RBM20: variants seen among roughly 807,000 people sequenced by gnomAD.
The protein encoded by RBM20 is RNA binding motif protein 20.
A neutral mutation model predicts 110.1 loss-of-function variants in RBM20; 51 were observed. That is an observed-to-expected ratio of 0.46 (90% CI 0.37 to 0.59). The LOEUF is 0.59. Among genes scored for constraint, RBM20 ranks in the 20% least tolerant of loss-of-function variants. The pLI is 0.00. For missense variants in RBM20, 1,512 were observed against 1,574.9 expected (o/e 0.96, Z 0.68); for synonymous variants, 589 against 618.2 (o/e 0.95, Z 0.70).
In RBM20 at chr10:110,772,406, C is replaced by T. The variant is rs146694072; in HGVS notation, c.192-8395C>T. The stretch of plus-strand genomic sequence containing the variant: ...CTCTGAACGAAGCCATATACAGTCG[C>T]GGGTCGCATAATGATGTTCTGGTCA... On this transcript the variant is annotated intron_variant, in intron 1 of 13. Coordinates refer to ENST00000369519, the MANE Select transcript of RBM20 (RefSeq NM_001134363.3). Among the ~76,000 whole-genome samples, 524 of 152,300 alleles carry T rather than the reference C, an allele frequency of 3.4e-3. 2 individuals carry two copies. Among genetic ancestry groups the T allele is most frequent in the African/African-American group, 0.011 (474 of 41,558 alleles).
intron 1 of RBM20, among the ~76,000 whole-genome samples, chr10:110,706,736 C>A (rs1207169669): frequency 1.3e-5 from 2 of 152,170 alleles, no homozygotes; most frequent in Non-Finnish European, 2.9e-5. Context: ...GGCTCTGCAG[C>A]TGTTTCTCCT....
At chr10:110,782,250 A>G (rs1361892186) in intron 2 of RBM20, among the ~76,000 whole-genome samples, 1 of 152,188 alleles carries the variant, frequency 6.6e-6, no homozygotes, top group Non-Finnish European at 1.5e-5. Flanking sequence ...CTGCCCCTTG[A>G]GTACCCATAT....
At chr10:110,734,544 G>A (rs1460743204) in intron 1 of RBM20, among the ~76,000 whole-genome samples, 1 of 151,210 alleles carries the variant, frequency 6.6e-6, no homozygotes, top group African/African-American at 2.4e-5. Context: ...AATCCTGTGG[G>A]TGAACTCATT....
At chr10:110,733,518 G>T (rs1356318975) in intron 1 of RBM20, among the ~76,000 whole-genome samples, 4 of 152,258 alleles carry the variant, frequency 2.6e-5, no homozygotes, top group African/African-American at 9.6e-5. Context: ...GTGATTTGTG[G>T]TTACTATGAA....
chr10:110,671,652 T>C (rs1363445825), intron 1 of RBM20, among the ~76,000 whole-genome samples: 1 of 152,166 alleles, frequency 6.6e-6, no homozygotes, highest in East Asian at 1.9e-4. Flanking sequence ...TATTATGCAT[T>C]GTGCGCTCGT....
chr10:110,797,741 CAT>C (rs1844570598), intron 6 of RBM20, 93 bp downstream of exon 6: 46 of 1,330,008 alleles, frequency 3.5e-5, no homozygotes, highest in Non-Finnish European at 4.8e-5. Context: ...CCATTCTTAA[CAT>C]AAAGAGGCGA....
intron 7 of RBM20, among the ~76,000 whole-genome samples, chr10:110,807,941 G>A (rs1339499174): frequency 1.3e-5 from 2 of 152,228 alleles, no homozygotes; most frequent in Non-Finnish European, 2.9e-5. Flanking sequence ...GTGGCTTCCC[G>A]GCGATGGCAG....
At chr10:110,671,156 A>G (rs150814435) in intron 1 of RBM20, among the ~76,000 whole-genome samples, 6 of 152,304 alleles carry the variant, frequency 3.9e-5, no homozygotes, top group Non-Finnish European at 8.8e-5. Flanking sequence ...TCGCTGGAGA[A>G]CCACGTGGGC....
At chr10:110,647,712 A>G (rs1016830367) in intron 1 of RBM20, among the ~76,000 whole-genome samples, 1 of 152,224 alleles carries the variant, frequency 6.6e-6, no homozygotes, top group African/African-American at 2.4e-5. Context: ...CTCCTCCAAC[A>G]TTTACAATGT....
At chr10:110,744,461 G>A (rs370299098) in intron 1 of RBM20, among the ~76,000 whole-genome samples, 10 of 152,168 alleles carry the variant, frequency 6.6e-5, no homozygotes, top group African/African-American at 2.4e-4. Flanking sequence ...GAACTTGGAG[G>A]AAAGTTAATA....
intron 7 of RBM20, among the ~76,000 whole-genome samples, chr10:110,802,656 G>A (rs1251325769): frequency 6.6e-6 from 1 of 152,182 alleles, no homozygotes; most frequent in Non-Finnish European, 1.5e-5. Flanking sequence ...GTTTGGGGTG[G>A]TGCAAAAAAC....
At chr10:110,771,168 T>C (rs1452383395) in intron 1 of RBM20, among the ~76,000 whole-genome samples, 1 of 152,006 alleles carries the variant, frequency 6.6e-6, no homozygotes, top group East Asian at 1.9e-4. Context: ...TTTTTGTGGG[T>C]TTTTTTGAGA....
At chr10:110,816,155 G>A (rs1385867739) in intron 9 of RBM20, among the ~76,000 whole-genome samples, 1 of 152,076 alleles carries the variant, frequency 6.6e-6, no homozygotes, top group Non-Finnish European at 1.5e-5. Flanking sequence ...CTGCCGAGGA[G>A]CCACAAGTCT....
At chr10:110,830,182 C>T (rs531197529) in intron 12 of RBM20, among the ~76,000 whole-genome samples, 41 of 152,356 alleles carry the variant, frequency 2.7e-4, no homozygotes, top group African/African-American at 8.4e-4. Context: ...TTCCACTCCA[C>T]TGACTGACCG....
At chr10:110,816,126 G>A (rs903925035) in intron 9 of RBM20, among the ~76,000 whole-genome samples, 3 of 152,090 alleles carry the variant, frequency 2.0e-5, no homozygotes, top group African/African-American at 4.8e-5. Context: ...TGCCCTCAGC[G>A]CCTTTACAGG....
chr10:110,772,801 A>G (rs1259958875), intron 1 of RBM20, among the ~76,000 whole-genome samples: 1 of 152,258 alleles, frequency 6.6e-6, no homozygotes, highest in African/African-American at 2.4e-5. Flanking sequence ...AATGATAATG[A>G]TAGTTAATAT....
chr10:110,835,235 G>A (rs1213024629), intron 13 of RBM20: 1 of 152,030 alleles, frequency 6.6e-6, no homozygotes, highest in Non-Finnish European at 1.5e-5. Flanking sequence ...TTTAAGTCAA[G>A]CAGTTAGAAC....
intron 1 of RBM20, among the ~76,000 whole-genome samples, chr10:110,758,216 C>T (rs1424684546): frequency 6.6e-6 from 1 of 151,532 alleles, no homozygotes; most frequent in Non-Finnish European, 1.5e-5. Context: ...ATGGGTTATA[C>T]CATGTTGCCC....
chr10:110,750,857 C>T (rs774592771), intron 1 of RBM20, among the ~76,000 whole-genome samples: 1 of 152,110 alleles, frequency 6.6e-6, no homozygotes, highest in African/African-American at 2.4e-5. Flanking sequence ...AGGAAGGGTG[C>T]GATGGGTCTC....
Sources: gnomAD v4.1 joint callset for allele counts (sites outside exome capture counted in the v4.1 genomes callset) on GRCh38, gnomAD v4.1.1 for gene constraint, MANE v1.5 for transcripts, NCBI Gene and HGNC (gene_info 2026-07-23, HGNC 2026-07-21) for gene names.